NKAIN2: variants seen among roughly 807,000 people sequenced by gnomAD.
NKAIN2 encodes the protein sodium/potassium transporting ATPase interacting 2.
A neutral mutation model predicts 32.6 loss-of-function variants in NKAIN2; 14 were observed. That is an observed-to-expected ratio of 0.43 (90% CI 0.28 to 0.67). The LOEUF (loss-of-function observed/expected upper bound fraction) is 0.67. NKAIN2 is among the 30% of genes least tolerant of loss of function. NKAIN2 has a pLI of 0.17. For missense variants in NKAIN2, 198 were observed against 258.3 expected, an observed-to-expected ratio of 0.77 and a Z score of 1.60; for synonymous variants, 80 against 87.2, an observed-to-expected ratio of 0.92 and a Z score of 0.46.
At chr6:123,962,217 A>G (rs1777878840) in intron 1 of NKAIN2, among the ~76,000 whole-genome samples, 1 of 152,196 alleles carries the variant, frequency 6.6e-6, no homozygotes, top group Non-Finnish European at 1.5e-5. Context: ...GAAGAATCCT[A>G]GGTTTTTCAT....
intron 1 of NKAIN2, among the ~76,000 whole-genome samples, chr6:123,874,398 G>T (rs1477976050): frequency 6.6e-6 from 1 of 152,102 alleles, no homozygotes; most frequent in Non-Finnish European, 1.5e-5. Flanking sequence ...TTGACTGCTA[G>T]ACCCTGATCT....
At chr6:124,385,031 G>A (rs1446541459) in intron 3 of NKAIN2, among the ~76,000 whole-genome samples, 5 of 152,058 alleles carry the variant, frequency 3.3e-5, no homozygotes, top group African/African-American at 1.2e-4. Context: ...CACTTTTGCT[G>A]ACCATTTAAA....
intron 1 of NKAIN2, among the ~76,000 whole-genome samples, chr6:124,270,720 G>T (rs970395432): frequency 2.0e-5 from 3 of 152,108 alleles, no homozygotes; most frequent in African/African-American, 7.2e-5. Flanking sequence ...TAATATATAG[G>T]CAACCCATCA....
At chr6:124,744,637 C>A (rs189759202) in intron 4 of NKAIN2, among the ~76,000 whole-genome samples, 3 of 151,592 alleles carry the variant, frequency 2.0e-5, no homozygotes, top group Non-Finnish European at 2.9e-5. Context: ...CCAGCCACTT[C>A]GAAAGTAAGT....
chr6:124,116,989 C>T (rs376604317), intron 1 of NKAIN2, among the ~76,000 whole-genome samples: 48 of 151,860 alleles, frequency 3.2e-4, no homozygotes, highest in East Asian at 1.2e-3. Flanking sequence ...CAGGAGAATA[C>T]GGGATGGATA....
intron 2 of NKAIN2, among the ~76,000 whole-genome samples, chr6:124,340,129 G>T (rs1283360013): frequency 6.6e-6 from 1 of 152,060 alleles, no homozygotes; most frequent in Admixed American, 6.5e-5. Flanking sequence ...CATATTATTT[G>T]CTGACTGGCC....
chr6:124,657,245 C>T (rs1337989783), intron 3 of NKAIN2, among the ~76,000 whole-genome samples: 1 of 152,230 alleles, frequency 6.6e-6, no homozygotes, highest in Non-Finnish European at 1.5e-5. Flanking sequence ...GTGGCCATAA[C>T]TATCACTGAA....
chr6:124,645,164 G>A (rs1306078983), intron 3 of NKAIN2, among the ~76,000 whole-genome samples: 1 of 152,174 alleles, frequency 6.6e-6, no homozygotes, highest in Non-Finnish European at 1.5e-5. Flanking sequence ...TGGCAAGTGA[G>A]CAGAAAGGAA....
chr6:124,250,788 G>A (rs1523978), intron 1 of NKAIN2, among the ~76,000 whole-genome samples: 66,249 of 151,722 alleles, frequency 0.44, 16,873 homozygotes, highest in African/African-American at 0.71. Context: ...AAGTATATAT[G>A]AGTAAATATT....
At chr6:124,752,573 G>A (rs973643693) in intron 4 of NKAIN2, among the ~76,000 whole-genome samples, 2 of 151,706 alleles carry the variant, frequency 1.3e-5, no homozygotes, top group African/African-American at 4.8e-5. Context: ...ATACATGCCT[G>A]CATGTTTGGG....
intron 3 of NKAIN2, among the ~76,000 whole-genome samples, chr6:124,439,516 T>G (rs1159917286): frequency 6.6e-6 from 1 of 152,034 alleles, no homozygotes; most frequent in African/African-American, 2.4e-5. Context: ...CTTTTCCTCT[T>G]AAATACTTTC....
At chr6:124,226,345 A>G (rs938092557) in intron 1 of NKAIN2, among the ~76,000 whole-genome samples, 1 of 152,074 alleles carries the variant, frequency 6.6e-6, no homozygotes, top group South Asian at 2.1e-4. Context: ...TAAAGTTTAT[A>G]TAATATACAT....
intron 1 of NKAIN2, among the ~76,000 whole-genome samples, chr6:124,128,463 TGG>T (rs1786295847): frequency 6.6e-6 from 1 of 152,212 alleles, no homozygotes; most frequent in Non-Finnish European, 1.5e-5. Flanking sequence ...TAATATTTAT[TGG>T]GTGTGTCATG....
chr6:124,525,205 A>G (rs929500078), intron 3 of NKAIN2, among the ~76,000 whole-genome samples: 4 of 152,108 alleles, frequency 2.6e-5, no homozygotes, highest in Non-Finnish European at 5.9e-5. Flanking sequence ...TGTGCACTGT[A>G]TGTGTGTCTC....
chr6:124,412,038 C>T (rs1049428423), intron 3 of NKAIN2, among the ~76,000 whole-genome samples: 8 of 152,300 alleles, frequency 5.3e-5, no homozygotes, highest in South Asian at 2.1e-4. Context: ...CCATCAGGTC[C>T]TTTAAGGACT....
At chr6:124,049,040 A>G (rs1465381582) in intron 1 of NKAIN2, among the ~76,000 whole-genome samples, 1 of 152,072 alleles carries the variant, frequency 6.6e-6, no homozygotes, top group Non-Finnish European at 1.5e-5. Flanking sequence ...ATAAGATCAC[A>G]TAAGTTTTAA....
chr6:124,473,499 T>C (rs755359579), intron 3 of NKAIN2, among the ~76,000 whole-genome samples: 7 of 152,178 alleles, frequency 4.6e-5, no homozygotes, highest in Non-Finnish European at 8.8e-5. Flanking sequence ...GTAACTAGTA[T>C]TTTTTTCCTT....
chr6:123,928,299 T>C (rs1776100514), intron 1 of NKAIN2, among the ~76,000 whole-genome samples: 1 of 152,108 alleles, frequency 6.6e-6, no homozygotes, highest in Non-Finnish European at 1.5e-5. Flanking sequence ...ATCTATTGGG[T>C]ACTATGCTCA....
intron 4 of NKAIN2, among the ~76,000 whole-genome samples, chr6:124,779,760 C>T (rs1391235684): frequency 6.6e-6 from 1 of 152,088 alleles, no homozygotes; most frequent in Non-Finnish European, 1.5e-5. Flanking sequence ...TAACAATAAG[C>T]CAAGCCCCAG....
Sources: allele counts gnomAD v4.1 joint callset (sites outside exome capture counted in the v4.1 genomes callset), GRCh38; gene constraint gnomAD v4.1.1; transcripts MANE v1.5; gene names NCBI Gene and HGNC (gene_info 2026-07-23, HGNC 2026-07-21).